Variants in CPNE4 observed in about 807,000 individuals in gnomAD.
The protein encoded by CPNE4 is copine 4, also known as copine-4.
In CPNE4, 25 loss-of-function variants were observed where a neutral mutation model predicts 67.9. That is an observed-to-expected ratio of 0.37 (90% confidence interval 0.27 to 0.51). The LOEUF (loss-of-function observed/expected upper bound fraction) is 0.51. Among genes scored for constraint, CPNE4 ranks in the 20% least tolerant of loss-of-function variants. The pLI is 0.93. For synonymous variants in CPNE4, 242 were observed against 244.9 expected (o/e 0.99, Z 0.11); for missense variants, 464 against 690.8 (o/e 0.67, Z 3.68).
chr3:131,818,354 A>G (rs919808082), intron 2 of CPNE4, among the ~76,000 whole-genome samples: 3 of 152,202 alleles, frequency 2.0e-5, no homozygotes, highest in Admixed American at 1.3e-4. Context: ...TCATCTTAAC[A>G]TTATAGGATC....
intron 2 of CPNE4, among the ~76,000 whole-genome samples, chr3:131,840,011 G>A (rs1465586748): frequency 1.3e-5 from 2 of 152,104 alleles, no homozygotes; most frequent in African/African-American, 2.4e-5. Flanking sequence ...TGTCCAATCA[G>A]GAGGAAACAA....
In CPNE4 at chr3:131,670,391, T is replaced by G. The variant is rs554493777; in HGVS notation, c.592-627A>C. Among the ~76,000 whole-genome samples the G allele has an allele frequency of 3.9e-4, 59 of 152,346 alleles. 1 individual carries two copies. The highest frequency in any genetic ancestry group is 1.3e-3 in the African/African-American group (52 of 41,586). On this transcript the variant is annotated intron_variant, in intron 6 of 15. Coordinates refer to ENST00000429747, the MANE Select transcript of CPNE4 (RefSeq NM_130808.3). ...AAGATTATAAACTATGTCTATAACA[T>G]AGGAAAACCCTTTTAAAACCACTTT...
At chr3:131,814,162 G>A (rs184021638) in intron 2 of CPNE4, among the ~76,000 whole-genome samples, 1 of 152,286 alleles carries the variant, frequency 6.6e-6, no homozygotes, top group East Asian at 1.9e-4. Flanking sequence ...GACAACTTAG[G>A]TAATTCTCCA....
intron 2 of CPNE4, among the ~76,000 whole-genome samples, chr3:131,866,042 G>A (rs1465161098): frequency 6.6e-6 from 1 of 152,198 alleles, no homozygotes; most frequent in Non-Finnish European, 1.5e-5. Context: ...GGGTAAGGAG[G>A]CTCTCTGGAG....
intron 11 of CPNE4, among the ~76,000 whole-genome samples, chr3:131,560,561 C>T (rs534917809): frequency 2.6e-4 from 39 of 152,096 alleles, no homozygotes; most frequent in African/African-American, 8.2e-4. Flanking sequence ...GTTCCCATCC[C>T]GACACAGGGC....
intron 7 of CPNE4, among the ~76,000 whole-genome samples, chr3:131,662,267 G>A (rs2080146048): frequency 2.0e-5 from 3 of 152,186 alleles, no homozygotes; most frequent in Admixed American, 6.6e-5. Flanking sequence ...CTGGCTCAGA[G>A]AGGCCAAAGC....
chr3:131,644,242 GGTTCAAGCCAT>G (rs975143394), intron 7 of CPNE4, among the ~76,000 whole-genome samples: 2 of 152,006 alleles, frequency 1.3e-5, no homozygotes, highest in African/African-American at 4.8e-5. Flanking sequence ...CTGTCTCCCG[GGTTCAAGCCAT>G]TCTCCTGCCT....
intron 2 of CPNE4, among the ~76,000 whole-genome samples, chr3:131,823,114 C>T (rs1413903076): frequency 7.2e-5 from 11 of 152,352 alleles, no homozygotes; most frequent in Admixed American, 6.5e-4. Context: ...GCTGGGATTA[C>T]AGGCATGAGC....
Position 131,874,190 on chromosome 3 carries a change from G to A in CPNE4, c.180+31074C>T, listed in dbSNP as rs181583702. Among the ~76,000 whole-genome samples the A allele has an allele frequency of 5.7e-3, 867 of 151,798 alleles. 13 individuals are homozygous for A. The highest frequency in any genetic ancestry group is 0.019 in the African/African-American group (776 of 41,400). On this transcript the variant is annotated intron_variant, in intron 2 of 15. Coordinates refer to ENST00000429747, the MANE Select transcript of CPNE4 (RefSeq NM_130808.3). ...TGCAAGCTCCGCCTCCCGGGTTCACGCCATTCTCCTGCCTCAGCCCCCCGA... is the reference window on the plus strand; with the variant it reads ...TGCAAGCTCCGCCTCCCGGGTTCACACCATTCTCCTGCCTCAGCCCCCCGA...
chr3:131,959,069 C>T (rs1238659), intron 1 of CPNE4, among the ~76,000 whole-genome samples: 2 of 34,524 alleles, frequency 5.8e-5, no homozygotes, highest in Non-Finnish European at 9.5e-5. Context: ...GGCGGGATCT[C>T]GGCTCACTGC....
At chr3:131,948,825 T>G (rs2071636085) in intron 1 of CPNE4, among the ~76,000 whole-genome samples, 1 of 152,192 alleles carries the variant, frequency 6.6e-6, no homozygotes, top group Non-Finnish European at 1.5e-5. Flanking sequence ...CTGATATGCT[T>G]TAGTACAGAG....
At chr3:131,591,609 C>A (rs992272827) in intron 7 of CPNE4, among the ~76,000 whole-genome samples, 1 of 152,290 alleles carries the variant, frequency 6.6e-6, no homozygotes, top group Admixed American at 6.5e-5. Flanking sequence ...CCATCAGGGG[C>A]CTCTCAGCAG....
chr3:131,948,971 G>A (rs2107880011), intron 1 of CPNE4, among the ~76,000 whole-genome samples: 1 of 152,308 alleles, frequency 6.6e-6, no homozygotes, highest in South Asian at 2.1e-4. Context: ...CAGATTAACT[G>A]GGTTGGAATG....
intron 7 of CPNE4, among the ~76,000 whole-genome samples, chr3:131,592,248 C>T (rs1938576203): frequency 6.6e-6 from 1 of 152,172 alleles, no homozygotes; most frequent in Non-Finnish European, 1.5e-5. Flanking sequence ...CATATTAACT[C>T]CCTTAGTCCA....
intron 1 of CPNE4, among the ~76,000 whole-genome samples, chr3:131,980,168 G>C (rs2072870202): frequency 6.6e-6 from 1 of 152,094 alleles, no homozygotes; most frequent in Non-Finnish European, 1.5e-5. Context: ...TGATGAAAAT[G>C]TGCCTAGGTG....
At chr3:131,706,993 C>G (rs2081429634) in intron 3 of CPNE4, among the ~76,000 whole-genome samples, 1 of 152,172 alleles carries the variant, frequency 6.6e-6, no homozygotes, top group South Asian at 2.1e-4. Flanking sequence ...GTAGCCTGAC[C>G]ACCTTGGGCT....
At chr3:131,897,567 T>A (rs193170211) in intron 2 of CPNE4, among the ~76,000 whole-genome samples, 1 of 151,992 alleles carries the variant, frequency 6.6e-6, no homozygotes, top group Middle Eastern at 3.2e-3. Context: ...CTACACTATA[T>A]ACAATTTTTT....
At chr3:131,601,592 T>C (rs182425857) in intron 7 of CPNE4, among the ~76,000 whole-genome samples, 81 of 152,250 alleles carry the variant, frequency 5.3e-4, no homozygotes, top group Non-Finnish European at 9.4e-4. Context: ...AAATTACTAA[T>C]ACCAGACCCT....
intron 3 of CPNE4, among the ~76,000 whole-genome samples, chr3:131,704,091 CTA>C (rs1244772149): frequency 1.3e-5 from 2 of 152,154 alleles, no homozygotes; most frequent in Admixed American, 1.3e-4. Context: ...AGGAGTCTCT[CTA>C]GTGTTTTGCA....
Sources: gnomAD v4.1 joint callset for allele counts (sites outside exome capture counted in the v4.1 genomes callset) on GRCh38, gnomAD v4.1.1 for gene constraint, MANE v1.5 for transcripts, NCBI Gene and HGNC (gene_info 2026-07-23, HGNC 2026-07-21) for gene names.